The following TBX15 variants were observed in gnomAD, a reference collection of about 807,000 sequenced individuals.
The protein encoded by TBX15 is T-box transcription factor TBX15.
A neutral mutation model predicts 53.9 loss-of-function variants in TBX15; 18 were observed. The observed-to-expected ratio is 0.33, with a 90% CI of 0.23 to 0.49. TBX15 has a LOEUF of 0.49. Ranked by LOEUF, TBX15 falls within the 20% of genes least tolerant of loss-of-function variation. TBX15 has a pLI of 0.98. For missense variants in TBX15, 692 were observed against 749.5 expected (o/e 0.92, Z 0.90); for synonymous variants, 295 against 278.0 (o/e 1.06, Z -0.61).
At chr1:118,960,775 T>C (rs1324898098) in intron 1 of TBX15, among the ~76,000 whole-genome samples, 1 of 152,156 alleles carries the variant, frequency 6.6e-6, no homozygotes, top group Non-Finnish European at 1.5e-5. Flanking sequence ...CCACTCTGAC[T>C]CAATCATCCC....
chr1:118,890,475 T>A (rs569753678), intron 7 of TBX15, among the ~76,000 whole-genome samples: 21 of 152,216 alleles, frequency 1.4e-4, no homozygotes, highest in African/African-American at 5.1e-4. Context: ...CAGCACCAGC[T>A]CCCTTCATCC....
intron 1 of TBX15, among the ~76,000 whole-genome samples, chr1:118,975,802 T>A (rs1361551856): frequency 6.6e-6 from 1 of 152,172 alleles, no homozygotes; most frequent in Non-Finnish European, 1.5e-5. Context: ...GCAAAGACAA[T>A]GCTTGGAAAA....
chr1:118,949,168 G>C (rs1269454996), intron 1 of TBX15, among the ~76,000 whole-genome samples: 1 of 152,180 alleles, frequency 6.6e-6, no homozygotes, highest in Non-Finnish European at 1.5e-5. Flanking sequence ...GTCAGGAATA[G>C]CAGCATATGC....
intron 1 of TBX15, among the ~76,000 whole-genome samples, chr1:118,973,892 C>T (rs1243992660): frequency 6.6e-6 from 1 of 152,174 alleles, no homozygotes; most frequent in Non-Finnish European, 1.5e-5. Context: ...ACCACCCAGT[C>T]AGAATATCAC....
chr1:118,948,583 C>G (rs1458378366), intron 1 of TBX15, among the ~76,000 whole-genome samples: 1 of 152,226 alleles, frequency 6.6e-6, no homozygotes, highest in Non-Finnish European at 1.5e-5. Context: ...CAGTGCAATT[C>G]TTCTCTCAAA....
At chr1:118,975,102 T>G (rs1008749453) in intron 1 of TBX15, among the ~76,000 whole-genome samples, 1 of 152,208 alleles carries the variant, frequency 6.6e-6, no homozygotes, top group African/African-American at 2.4e-5. Flanking sequence ...TCCCCCGAAT[T>G]TCACTGCATG....
At chr1:118,927,466 G>A (rs933445735) in intron 2 of TBX15, among the ~76,000 whole-genome samples, 9 of 152,162 alleles carry the variant, frequency 5.9e-5, no homozygotes, top group African/African-American at 2.2e-4. Context: ...AAGAAAAAAA[G>A]GAAGGTGCTA....
intron 7 of TBX15, among the ~76,000 whole-genome samples, chr1:118,891,203 T>C (rs1013959732): frequency 6.6e-6 from 1 of 152,218 alleles, no homozygotes; most frequent in African/African-American, 2.4e-5. Flanking sequence ...GTTAAAGGTA[T>C]GCACAGACCT....
intron 1 of TBX15, among the ~76,000 whole-genome samples, chr1:118,951,413 T>A (rs921623587): frequency 1.3e-5 from 2 of 152,152 alleles, no homozygotes; most frequent in Non-Finnish European, 2.9e-5. Flanking sequence ...CACCCCTACT[T>A]CTCGCAGCTG....
chr1:118,965,841 A>C (rs2101688493), intron 1 of TBX15, among the ~76,000 whole-genome samples: 1 of 152,372 alleles, frequency 6.6e-6, no homozygotes, highest in East Asian at 1.9e-4. Context: ...ATATTATGCC[A>C]CAATCTCTCT....
rs764512038 is a variant in TBX15, at chr1:118,899,059, G to A, written c.993C>T (p.Phe331=). ...FWRPPVRTLT[F]EDFTTMQKQQ... Reference sequence around the variant, plus strand: ...GCTTCTGCATGGTGGTGAAGTCTTCGAAGGTGAGTGTGCGCACAGGAGGTC... The same window carrying A: ...GCTTCTGCATGGTGGTGAAGTCTTCAAAGGTGAGTGTGCGCACAGGAGGTC... The change falls in exon 7 of 8, where the codon TTC becomes TTT. Residue 331 remains phenylalanine (F), a synonymous_variant. Coordinates refer to ENST00000369429, the MANE Select transcript of TBX15 (RefSeq NM_001330677.2). 24 of 1,613,530 alleles carry A rather than the reference G, an allele frequency of 1.5e-5. No homozygotes were observed. The highest frequency in any genetic ancestry group is 1.6e-4 in the Middle Eastern group (1 of 6,078).
intron 1 of TBX15, among the ~76,000 whole-genome samples, chr1:118,972,084 C>A (rs1347437876): frequency 5.3e-5 from 8 of 152,308 alleles, no homozygotes; most frequent in Non-Finnish European, 1.5e-5. Context: ...GAATACTTAA[C>A]TGGGGCTCTT....
chr1:118,890,078 G>C (rs926699813), intron 7 of TBX15, among the ~76,000 whole-genome samples: 1 of 152,154 alleles, frequency 6.6e-6, no homozygotes, highest in African/African-American at 2.4e-5. Context: ...ACCCTGATGA[G>C]CATTATGTCA....
intron 6 of TBX15, among the ~76,000 whole-genome samples, chr1:118,906,601 A>T (rs563823387): frequency 1.3e-5 from 2 of 152,308 alleles, no homozygotes; most frequent in South Asian, 4.1e-4. Flanking sequence ...AGAGGGGGTC[A>T]TGGGAAAGTT....
chr1:118,934,914 A>G (rs1255713647), intron 1 of TBX15, among the ~76,000 whole-genome samples: 1 of 152,222 alleles, frequency 6.6e-6, no homozygotes. Context: ...AACAGGATCC[A>G]GTGACTTTTA....
chr1:118,933,583 C>T (rs1200723176), intron 1 of TBX15, among the ~76,000 whole-genome samples: 1 of 152,092 alleles, frequency 6.6e-6, no homozygotes, highest in Non-Finnish European at 1.5e-5. Context: ...AGTAGAACTA[C>T]TTATCTAAGA....
intron 1 of TBX15, among the ~76,000 whole-genome samples, chr1:118,948,018 G>A (rs1179820028): frequency 6.6e-6 from 1 of 152,138 alleles, no homozygotes; most frequent in East Asian, 1.9e-4. Flanking sequence ...TCTTGTGGTG[G>A]TAGGGAACTA....
intron 1 of TBX15, among the ~76,000 whole-genome samples, chr1:118,949,528 G>C (rs1490408528): frequency 6.6e-6 from 1 of 152,200 alleles, no homozygotes; most frequent in Non-Finnish European, 1.5e-5. Context: ...TTTACTTTGT[G>C]GGAGTTTCTT....
intron 1 of TBX15, among the ~76,000 whole-genome samples, chr1:118,985,456 C>A (rs2101060626): frequency 6.6e-6 from 1 of 152,358 alleles, no homozygotes; most frequent in African/African-American, 2.4e-5. Flanking sequence ...CCCTGGACCG[C>A]CGCGTCTCCA....
Sources: allele counts gnomAD v4.1 joint callset (sites outside exome capture counted in the v4.1 genomes callset), GRCh38; gene constraint gnomAD v4.1.1; transcripts MANE v1.5; gene names NCBI Gene and HGNC (gene_info 2026-07-23, HGNC 2026-07-21).